Variants in MRPL22 observed in about 807,000 individuals in gnomAD.
MRPL22 encodes large ribosomal subunit protein uL22m.
In MRPL22, 27 loss-of-function variants were observed where a neutral mutation model predicts 32.4. That is an observed-to-expected ratio of 0.83 (90% CI 0.61 to 1.15). The LOEUF is 1.15. Ranked by LOEUF, MRPL22 falls within the 50% of genes most tolerant of loss-of-function variation. The pLI is 0.00. For missense variants in MRPL22, 239 were observed against 260.2 expected, an observed-to-expected ratio of 0.92 and a Z score of 0.56; for synonymous variants, 86 against 87.3, an observed-to-expected ratio of 0.99 and a Z score of 0.08.
intron 3 of MRPL22, among the ~76,000 whole-genome samples, chr5:154,951,849 T>C (rs1315492431): frequency 6.6e-6 from 1 of 152,052 alleles, no homozygotes; most frequent in African/African-American, 2.4e-5. Context: ...ATGAACTTTT[T>C]TTGCTTCTTA....
Sources: gnomAD v4.1 joint callset for allele counts (sites outside exome capture counted in the v4.1 genomes callset) on GRCh38, gnomAD v4.1.1 for gene constraint, MANE v1.5 for transcripts, NCBI Gene and HGNC (gene_info 2026-07-23, HGNC 2026-07-21) for gene names.